Variants in CDK14 observed in about 807,000 individuals in gnomAD.
CDK14 encodes the protein cyclin-dependent kinase 14.
CDK14 carries 34 observed loss-of-function variants against 60.7 expected under a neutral mutation model. That is an observed-to-expected ratio of 0.56 (90% CI 0.43 to 0.75). CDK14 has a LOEUF of 0.75. Ranked by LOEUF, CDK14 falls within the 30% of genes least tolerant of loss-of-function variation. CDK14 has a pLI of 0.00. For synonymous variants in CDK14, 197 were observed against 203.7 expected (o/e 0.97, Z 0.28); for missense variants, 482 against 564.1 (o/e 0.85, Z 1.47).
intron 10 of CDK14, among the ~76,000 whole-genome samples, chr7:91,029,657 TGCA>T: frequency 1.6e-5 from 1 of 62,338 alleles, no homozygotes; most frequent in East Asian, 7.1e-4. Context: ...TTCTGTTTCC[TGCA>T]GCTATTATAA....
At chr7:90,921,401 C>G (rs1264601431) in intron 8 of CDK14, among the ~76,000 whole-genome samples, 2 of 152,088 alleles carry the variant, frequency 1.3e-5, no homozygotes, top group Admixed American at 1.3e-4. Flanking sequence ...TTATTATCTT[C>G]TAGTCTAATT....
chr7:91,146,094 G>A (rs1026573721), intron 14 of CDK14, among the ~76,000 whole-genome samples: 6 of 152,146 alleles, frequency 3.9e-5, no homozygotes, highest in African/African-American at 1.4e-4. Flanking sequence ...GGTTGATAAA[G>A]CATATGTAGA....
intron 11 of CDK14, among the ~76,000 whole-genome samples, chr7:91,061,858 TGAG>T (rs1371979424): frequency 1.3e-5 from 2 of 152,332 alleles, no homozygotes; most frequent in East Asian, 1.9e-4. Flanking sequence ...GGGACCCACT[TGAG>T]GAGGCAGTCT....
chr7:90,664,975 AAT>A (rs1041644633), intron 2 of CDK14, among the ~76,000 whole-genome samples: 4 of 152,076 alleles, frequency 2.6e-5, no homozygotes, highest in African/African-American at 9.7e-5. Flanking sequence ...TGTTTTTGCT[AAT>A]AGTATTTAAA....
chr7:91,174,445 A>G (rs1398581274), intron 14 of CDK14, among the ~76,000 whole-genome samples: 8 of 151,662 alleles, frequency 5.3e-5, no homozygotes, highest in Admixed American at 1.3e-4. Flanking sequence ...CAACGGAACA[A>G]AGCTGGATGG....
rs545565832 is a variant in CDK14, at chr7:90,993,512, G to T, written c.1041+9271G>T. Among the ~76,000 whole-genome samples the T allele has an allele frequency of 1.8e-4, 27 of 152,124 alleles. No homozygotes were observed. The South Asian group carries it at 5.2e-3, about 29-fold the overall frequency. Reference sequence around the variant, plus strand: ...TGAAATGTGGATGAAAAATTTTTCTGAAAGAAGAAGGGGAAGGAAGGAGGG... The same window carrying T: ...TGAAATGTGGATGAAAAATTTTTCTTAAAGAAGAAGGGGAAGGAAGGAGGG... On this transcript the variant is annotated intron_variant, in intron 10 of 14. Coordinates refer to ENST00000380050, the MANE Select transcript of CDK14 (RefSeq NM_001287135.2).
intron 10 of CDK14, among the ~76,000 whole-genome samples, chr7:91,010,835 C>CCTTCCTTCCTTCCTTCCTT (rs1562867326): frequency 3.7e-4 from 17 of 45,854 alleles, no homozygotes; most frequent in East Asian, 2.7e-3. Context: ...CTTCCTTCCT[C>CCTTCCTTCCTTCCTTCCTT]CCTCCCTCCC....
chr7:90,621,277 A>G (rs940659817), intron 2 of CDK14, among the ~76,000 whole-genome samples: 1 of 152,040 alleles, frequency 6.6e-6, no homozygotes, highest in African/African-American at 2.4e-5. Context: ...GTACTGGCTC[A>G]TGTTTATTGT....
chr7:90,605,707 G>A (rs1037990561), intron 2 of CDK14, among the ~76,000 whole-genome samples: 3 of 152,192 alleles, frequency 2.0e-5, no homozygotes, highest in South Asian at 2.1e-4. Flanking sequence ...CTGTTACCCC[G>A]ATACAACAAC....
At chr7:91,184,975 G>A (rs1802124944) in intron 14 of CDK14, among the ~76,000 whole-genome samples, 1 of 151,592 alleles carries the variant, frequency 6.6e-6, no homozygotes, top group South Asian at 2.1e-4. Flanking sequence ...TAGGGGAATG[G>A]GACACCTTTT....
At chr7:90,871,169 AAG>A (rs1260763080) in intron 6 of CDK14, among the ~76,000 whole-genome samples, 1 of 152,148 alleles carries the variant, frequency 6.6e-6, no homozygotes, top group Non-Finnish European at 1.5e-5. Context: ...CATAGCTGGG[AAG>A]TATAATTAAC....
chr7:90,908,482 G>A (rs1335092765), intron 7 of CDK14, among the ~76,000 whole-genome samples: 1 of 152,132 alleles, frequency 6.6e-6, no homozygotes, highest in Non-Finnish European at 1.5e-5. Context: ...GTTACATGAT[G>A]CTTTAATTGT....
At chr7:90,824,656 T>A (rs1789662248) in intron 5 of CDK14, 2 of 152,186 alleles carry the variant, frequency 1.3e-5, no homozygotes, top group Non-Finnish European at 2.9e-5. Flanking sequence ...TGAGCATCTG[T>A]TTCCTTAAAA....
intron 6 of CDK14, among the ~76,000 whole-genome samples, chr7:90,888,461 C>T (rs1792019740): frequency 6.6e-6 from 1 of 152,130 alleles, no homozygotes; most frequent in Admixed American, 6.6e-5. Context: ...TTTTAAAAGA[C>T]TCTATTATTC....
intron 14 of CDK14, among the ~76,000 whole-genome samples, chr7:91,127,125 A>G (rs1799973794): frequency 1.3e-5 from 2 of 152,152 alleles, no homozygotes; most frequent in Non-Finnish European, 2.9e-5. Flanking sequence ...CCCAATAGGG[A>G]AAATGATTGT....
At chr7:90,697,573 A>G (rs746180422) in intron 2 of CDK14, among the ~76,000 whole-genome samples, 3 of 152,194 alleles carry the variant, frequency 2.0e-5, no homozygotes, top group Admixed American at 6.5e-5. Context: ...CGGATGTTAC[A>G]TAGTGCCTTT....
rs192227898 is a variant in CDK14 at position 91,133,504 on chromosome 7, A to G, written c.*28+15296A>G. Among the ~76,000 whole-genome samples the G allele has an allele frequency of 6.0e-4, 92 of 152,316 alleles. 3 individuals carry two copies. Among genetic ancestry groups the G allele is most frequent in the Admixed American group, 5.8e-3 (88 of 15,286 alleles). ...AAAATAAATAAGTAAATTAAAGTTT[A>G]CCAAAGCAGATGAAATATGATACAG... On this transcript the variant is annotated intron_variant, in intron 14 of 14. Coordinates refer to ENST00000380050, the MANE Select transcript of CDK14 (RefSeq NM_001287135.2).
chr7:90,720,051 A>G (rs910192569), intron 2 of CDK14, among the ~76,000 whole-genome samples: 1 of 152,210 alleles, frequency 6.6e-6, no homozygotes, highest in Non-Finnish European at 1.5e-5. Context: ...ACAAATCTTT[A>G]CTGGACTCTT....
chr7:90,709,652 A>G, intron 2 of CDK14: 1 of 1,601,438 alleles, frequency 6.2e-7, no homozygotes, highest in East Asian at 2.2e-5. Context: ...GATTTTTTGG[A>G]GAAAATAATT....
Sources: allele counts gnomAD v4.1 joint callset (sites outside exome capture counted in the v4.1 genomes callset), GRCh38; gene constraint gnomAD v4.1.1; transcripts MANE v1.5; gene names NCBI Gene and HGNC (gene_info 2026-07-23, HGNC 2026-07-21).